The following USP53 variants were observed in gnomAD, a reference collection of about 807,000 sequenced individuals.
USP53 encodes ubiquitin carboxyl-terminal hydrolase 53.
Under a neutral mutation model 94.9 loss-of-function variants are expected in USP53, and 71 were observed. That is an observed-to-expected ratio of 0.75 (90% CI 0.62 to 0.91). USP53 has a LOEUF of 0.91. USP53 is among the 40% of genes least tolerant of loss of function. The pLI, the probability that USP53 is intolerant of heterozygous loss-of-function variation, is 0.00. For synonymous variants in USP53, 375 were observed against 422.7 expected, an observed-to-expected ratio of 0.89 and a Z score of 1.39; for missense variants, 1,173 against 1,281.0, an observed-to-expected ratio of 0.92 and a Z score of 1.29.
chr4:119,227,256 T>TATAC (rs1376598406), intron 3 of USP53, among the ~76,000 whole-genome samples: 11 of 125,076 alleles, frequency 8.8e-5, no homozygotes, highest in Non-Finnish European at 1.2e-4. Flanking sequence ...TGTCTAACAC[T>TATAC]ACACACACAC....
At chr4:119,286,220 T>G (rs1377262424) in intron 17 of USP53, among the ~76,000 whole-genome samples, 1 of 150,282 alleles carries the variant, frequency 6.7e-6, no homozygotes, top group Admixed American at 6.6e-5. Context: ...TGTTTAGGGT[T>G]TGTAAATATA....
In USP53 at chr4:119,239,870, A is replaced by G. The variant is rs371589774; in HGVS notation, c.111A>G (p.Gly37=). The change falls in exon 5 of 19, where the codon GGA becomes GGG. Residue 37 remains glycine, a synonymous_variant. Transcript: ENST00000692078. ...APTKGLLNEP[G]QNSCFLNSAV... is the part of the protein sequence containing the mutation. Reference sequence around the variant, plus strand: ...CCAAAGGCTTGTTAAATGAACCAGGACAAAACAGCTGCTTTCTTAATAGCG... The same window carrying G: ...CCAAAGGCTTGTTAAATGAACCAGGGCAAAACAGCTGCTTTCTTAATAGCG... 6.2e-7 allele frequency: 1 copy of G among 1,609,094 alleles called. No individual in the cohort carries two copies. Among genetic ancestry groups the G allele is most frequent in the Non-Finnish European group, 8.5e-7 (1 of 1,177,880 alleles).
intron 12 of USP53, among the ~76,000 whole-genome samples, chr4:119,262,527 GA>G (rs1238283686): frequency 9.9e-5 from 15 of 152,022 alleles, no homozygotes; most frequent in Middle Eastern, 3.4e-3. Context: ...AAGTAAGCAA[GA>G]AAAAAAGTTA....
rs968193255 is a variant in USP53 at position 119,295,370 on chromosome 4, A to G, written c.*2159A>G. 1.3e-5 allele frequency: 2 copies of G among 152,194 alleles called. No individual in the cohort carries two copies. Among genetic ancestry groups the G allele is most frequent in the African/African-American group, 4.8e-5 (2 of 41,452 alleles). The allele number at this position is 152,194 out of a possible 1,614,324, so 9.4% of individuals were successfully genotyped here. ...CCTATTTATTTTTATAGATGCTTTC[A>G]TCCAGTTATAAGCTTATTATAACTT... On this transcript the variant is annotated 3_prime_UTR_variant, in exon 19 of 19. Coordinates refer to ENST00000692078, the MANE Select transcript of USP53 (RefSeq NM_001371395.1).
chr4:119,259,962 T>C, intron 10 of USP53, 37 bp downstream of exon 10: 1 of 1,479,508 alleles, frequency 6.8e-7, no homozygotes. Flanking sequence ...ATGCTTCTTG[T>C]TTTGTAGATT....
intron 3 of USP53, among the ~76,000 whole-genome samples, chr4:119,229,058 G>A (rs1254251536): frequency 6.6e-6 from 1 of 152,000 alleles, no homozygotes; most frequent in Non-Finnish European, 1.5e-5. Context: ...TGCTACCCAG[G>A]TATTCAGCCT....
At chr4:119,241,349 C>T (rs1450209742) in intron 5 of USP53, among the ~76,000 whole-genome samples, 1 of 150,308 alleles carries the variant, frequency 6.7e-6, no homozygotes, top group Non-Finnish European at 1.5e-5. Context: ...TGCATAGATC[C>T]ACATTCCATC....
intron 17 of USP53, among the ~76,000 whole-genome samples, chr4:119,287,163 A>G (rs1163124831): frequency 2.0e-5 from 3 of 151,968 alleles, no homozygotes; most frequent in Non-Finnish European, 4.4e-5. Flanking sequence ...CTTCATTTGA[A>G]TGTCTTTTGT....
At chr4:119,242,209 G>T (rs926754316) in intron 5 of USP53, among the ~76,000 whole-genome samples, 3 of 151,826 alleles carry the variant, frequency 2.0e-5, no homozygotes, top group Admixed American at 1.3e-4. Flanking sequence ...TACTTTTTTT[G>T]TTGTTGTTGT....
At chr4:119,214,049 G>T (rs1743346021) in intron 1 of USP53, 21 bp from the exon 2 acceptor site, 1 of 147,284 alleles carries the variant, frequency 6.8e-6, no homozygotes, top group Non-Finnish European at 1.5e-5. Flanking sequence ...ATTGATAATT[G>T]TTATTTTCTG....
chr4:119,292,362 A>G lies in USP53; in HGVS notation c.2373A>G (p.Gly791=). 6.2e-6 allele frequency: 10 copies of G among 1,604,232 alleles called. No homozygotes were observed. Among genetic ancestry groups the G allele is most frequent in the Non-Finnish European group, 7.7e-6 (9 of 1,176,334 alleles). Reference sequence around the variant, plus strand: ...GATCACATGTACATGAAGACAATGGAAAGTTATTTCCTTCATCCAGTCTAC... The same window carrying G: ...GATCACATGTACATGAAGACAATGGGAAGTTATTTCCTTCATCCAGTCTAC... The part of the protein sequence containing the change: ...IKRSHVHEDN[G]KLFPSSSLQI... The change falls in exon 19 of 19, where the codon GGA becomes GGG. Residue 791 remains glycine, a synonymous_variant. Coordinates refer to ENST00000692078, the MANE Select transcript of USP53 (RefSeq NM_001371395.1).
At chr4:119,224,175 T>C (rs1293720057) in intron 3 of USP53, among the ~76,000 whole-genome samples, 1 of 152,130 alleles carries the variant, frequency 6.6e-6, no homozygotes, top group African/African-American at 2.4e-5. Flanking sequence ...GATTTTTGTA[T>C]TTTTAGTAGA....
rs563923883 is a variant in USP53, at chr4:119,240,595, C to T, written c.144+692C>T. ...AATACTGATAACTTTTTCTATTGAC[C>T]TTAGAATATACCTTAAAAGAATTCA... is the stretch of plus-strand genomic sequence containing the variant. On this transcript the variant is annotated intron_variant, in intron 5 of 18. Coordinates refer to ENST00000692078, the MANE Select transcript of USP53 (RefSeq NM_001371395.1). Among the ~76,000 whole-genome samples the T allele has an allele frequency of 3.3e-5, 5 of 152,156 alleles. No individual in the cohort carries two copies. In the South Asian group the frequency reaches 1.0e-3, roughly 32 times the overall value.
intron 18 of USP53, 91 bp downstream of exon 18, chr4:119,291,352 G>A: frequency 1.3e-6 from 1 of 761,320 alleles, no homozygotes; most frequent in East Asian, 2.9e-5. Flanking sequence ...TGAAAGCAAT[G>A]GGTCTATAGT....
chr4:119,286,879 G>T (rs1468328127), intron 17 of USP53, among the ~76,000 whole-genome samples: 4 of 151,806 alleles, frequency 2.6e-5, no homozygotes, highest in Non-Finnish European at 5.9e-5. Flanking sequence ...AAGTTTTCGA[G>T]CCTCAGGCAG....
At position 119,293,100 on chromosome 4, in the gene USP53, C is replaced by A. The variant is rs1240262197; in HGVS notation, c.3111C>A (p.Thr1037=). 6.2e-7 allele frequency: 1 copy of A among 1,613,918 alleles called. No homozygotes were observed. Among genetic ancestry groups the A allele is most frequent in the Non-Finnish European group, 8.5e-7 (1 of 1,179,948 alleles). Residue 1037 remains threonine (T), a synonymous_variant, in exon 19 of 19, where the codon ACC becomes ACA. Transcript: ENST00000692078. ...CAAATGAGACAGTTTCATTAACTAC[C>A]TATTTTTCAGTTGATAGCTGCATGA... The part of the protein sequence containing the change: ...TCPNETVSLT[T]YFSVDSCMTD...
At chr4:119,266,950 T>C (rs1751201445) in intron 12 of USP53, among the ~76,000 whole-genome samples, 2 of 152,160 alleles carry the variant, frequency 1.3e-5, no homozygotes, top group South Asian at 2.1e-4. Flanking sequence ...TAAAGTTATT[T>C]TTCTCATGGT....
chr4:119,224,343 C>T (rs1168317160), intron 3 of USP53, among the ~76,000 whole-genome samples: 4 of 152,124 alleles, frequency 2.6e-5, no homozygotes, highest in Admixed American at 1.3e-4. Flanking sequence ...ACATTAAGCC[C>T]AAAGCAGCCA....
intron 7 of USP53, 63 bp downstream of exon 7, chr4:119,248,945 A>G: frequency 6.3e-7 from 1 of 1,583,272 alleles, no homozygotes; most frequent in South Asian, 1.2e-5. Context: ...AGATGGTACA[A>G]GTGTTGAGAC....
Sources: gnomAD v4.1 joint callset for allele counts (sites outside exome capture counted in the v4.1 genomes callset) on GRCh38, gnomAD v4.1.1 for gene constraint, MANE v1.5 for transcripts, NCBI Gene and HGNC (gene_info 2026-07-23, HGNC 2026-07-21) for gene names.